Variants in DCLK1 observed in about 807,000 individuals in gnomAD.
DCLK1 encodes the protein serine/threonine-protein kinase DCLK1.
Under a neutral mutation model 86.2 loss-of-function variants are expected in DCLK1, and 16 were observed. The observed-to-expected ratio is 0.19, with a 90% CI of 0.13 to 0.28. The LOEUF is 0.28. DCLK1 is among the 10% of genes least tolerant of loss of function. The pLI, the probability that DCLK1 is intolerant of heterozygous loss-of-function variation, is 1.00. For missense variants in DCLK1, 590 were observed against 940.2 expected (o/e 0.63, Z 4.87); for synonymous variants, 369 against 370.5 (o/e 1.00, Z 0.05).
At chr13:35,910,029 T>A (rs1003825398) in intron 4 of DCLK1, among the ~76,000 whole-genome samples, 9 of 152,128 alleles carry the variant, frequency 5.9e-5, no homozygotes, top group Admixed American at 3.9e-4. Context: ...TCCTTTGTCT[T>A]CCCCCAGGTG....
At chr13:35,869,039 C>T (rs2153114237) in intron 5 of DCLK1, 2 of 473,888 alleles carry the variant, frequency 4.2e-6, no homozygotes, top group East Asian at 6.2e-5. Context: ...GATCCACCCC[C>T]ATCAACCTCC....
At chr13:36,100,665 G>A (rs938039771) in intron 3 of DCLK1, among the ~76,000 whole-genome samples, 4 of 152,226 alleles carry the variant, frequency 2.6e-5, no homozygotes, top group South Asian at 2.1e-4. Flanking sequence ...TAATGGGGTC[G>A]CTGGGCATTG....
intron 3 of DCLK1, among the ~76,000 whole-genome samples, chr13:36,017,378 C>T (rs1446940133): frequency 6.6e-6 from 1 of 152,132 alleles, no homozygotes; most frequent in African/African-American, 2.4e-5. Flanking sequence ...TAGAATGTAA[C>T]ACAACTGGGA....
chr13:35,911,530 C>T (rs1194716034), intron 4 of DCLK1, among the ~76,000 whole-genome samples: 1 of 152,172 alleles, frequency 6.6e-6, no homozygotes, highest in Non-Finnish European at 1.5e-5. Context: ...GGGGCCACAT[C>T]ACTCTGGTCT....
At chr13:35,776,392 C>T (rs1337524080) in intron 16 of DCLK1, among the ~76,000 whole-genome samples, 1 of 152,096 alleles carries the variant, frequency 6.6e-6, no homozygotes, top group African/African-American at 2.4e-5. Context: ...ACCTCTTGGC[C>T]ATAAAAAATC....
intron 15 of DCLK1, among the ~76,000 whole-genome samples, chr13:35,804,259 T>C (rs936712501): frequency 1.3e-5 from 2 of 150,656 alleles, no homozygotes; most frequent in Non-Finnish European, 3.0e-5. Flanking sequence ...GCCTCCCGAG[T>C]AGCTGGGATT....
At position 36,107,978 on chromosome 13, in the gene DCLK1, C is replaced by T. The variant is rs73165320; in HGVS notation, c.723+3891G>A. On this transcript the variant is annotated intron_variant, in intron 3 of 16. Transcript: ENST00000360631. ...TCTCAGACTCTAAGATCCTGCAGAT[C>T]CTCCCCTTGGACATGGGTTCAGGGG... 2.3e-3 allele frequency among the ~76,000 whole-genome samples: 345 copies of T among 152,122 alleles called. 2 individuals carry two copies. Among genetic ancestry groups the T allele is most frequent in the Non-Finnish European group, 4.4e-3 (296 of 67,996 alleles).
chr13:36,065,129 T>A (rs760909889), intron 3 of DCLK1, among the ~76,000 whole-genome samples: 5 of 152,210 alleles, frequency 3.3e-5, no homozygotes, highest in Non-Finnish European at 7.3e-5. Flanking sequence ...TGCCATCTAA[T>A]GTCTAGGATT....
intron 3 of DCLK1, among the ~76,000 whole-genome samples, chr13:36,007,051 G>C (rs1455393588): frequency 6.6e-6 from 1 of 152,140 alleles, no homozygotes; most frequent in Non-Finnish European, 1.5e-5. Context: ...TTACCACTTA[G>C]GGAAAGTAAA....
intron 4 of DCLK1, among the ~76,000 whole-genome samples, chr13:35,896,503 A>G (rs1873993856): frequency 7.8e-6 from 1 of 127,486 alleles, no homozygotes. Context: ...GCGCCATTGC[A>G]CCCCAGCCGG....
At chr13:36,074,154 C>A (rs145406039) in intron 3 of DCLK1, among the ~76,000 whole-genome samples, 1,792 of 152,172 alleles carry the variant, frequency 0.012, 41 homozygotes, top group African/African-American at 0.04. Flanking sequence ...CAATTCTTAG[C>A]TTCTTTCATT....
At chr13:35,856,656 A>G (rs928738148) in intron 5 of DCLK1, among the ~76,000 whole-genome samples, 2 of 152,234 alleles carry the variant, frequency 1.3e-5, no homozygotes, top group African/African-American at 4.8e-5. Flanking sequence ...ACAAAACAAT[A>G]AAAGCCTGTA....
At chr13:36,131,920 G>A (rs984351738), upstream of DCLK1, among the ~76,000 whole-genome samples, 6 of 152,186 alleles carry the variant, frequency 3.9e-5, no homozygotes, top group African/African-American at 1.4e-4. Context: ...CCCCCACATT[G>A]GGAAGAGCTG....
chr13:35,920,434 T>G (rs931628164), intron 4 of DCLK1, among the ~76,000 whole-genome samples: 1 of 152,102 alleles, frequency 6.6e-6, no homozygotes, highest in African/African-American at 2.4e-5. Flanking sequence ...GTGTTTCAAG[T>G]GTAAAATGAA....
At chr13:36,020,418 A>C (rs1881725366) in intron 3 of DCLK1, among the ~76,000 whole-genome samples, 1 of 152,186 alleles carries the variant, frequency 6.6e-6, no homozygotes. Flanking sequence ...TTTTCTTAGA[A>C]GTCTGGAAAT....
chr13:35,773,689 T>C lies in DCLK1; in HGVS notation c.*846A>G, dbSNP rs2086371760. On this transcript the variant is annotated 3_prime_UTR_variant, in exon 17 of 17. Transcript: ENST00000360631. ...TTTATTGCTCTTTTCCACCAGTTGTTTCTTTCCTGTAGATGTCTGACACTG... is the reference window on the plus strand; with the variant it reads ...TTTATTGCTCTTTTCCACCAGTTGTCTCTTTCCTGTAGATGTCTGACACTG... The C allele has an allele frequency of 6.6e-6, 1 of 152,454 alleles. No homozygotes were observed. Among genetic ancestry groups the C allele is most frequent in the Non-Finnish European group, 1.5e-5 (1 of 68,026 alleles). The allele number at this position is 152,454 out of a possible 1,614,324, so 9.4% of individuals were successfully genotyped here.
intron 4 of DCLK1, among the ~76,000 whole-genome samples, chr13:35,911,605 G>A (rs1442565620): frequency 2.0e-5 from 3 of 152,140 alleles, no homozygotes; most frequent in African/African-American, 7.2e-5. Context: ...GGACCTCTAG[G>A]ACTAGTATTG....
Position 35,848,301 on chromosome 13 carries a change from CTG to C in DCLK1, c.1035+6196_1035+6197del, listed in dbSNP as rs1456339485. The C allele has an allele frequency of 8.1e-6, 8 of 984,640 alleles. No individual in the cohort carries two copies. The South Asian group carries it at 1.9e-4, about 23-fold the overall frequency. The allele number at this position is 984,640 out of a possible 1,614,324, so 61.0% of individuals were successfully genotyped here. A position where few individuals can be genotyped will look rare whatever the true frequency, so the allele number is the denominator to read the frequency against. On this transcript the variant is annotated intron_variant, in intron 6 of 16. Transcript: ENST00000360631. ...TGTTCCACCAATGAACTGAAAACTT[CTG>C]TGTTTGTTGCTAAGAAATTTTTATT...
chr13:35,864,136 A>C (rs1871602319), intron 5 of DCLK1, among the ~76,000 whole-genome samples: 1 of 152,178 alleles, frequency 6.6e-6, no homozygotes, highest in Non-Finnish European at 1.5e-5. Context: ...CTACTCTATA[A>C]GCTTCTGAAG....
Sources: gnomAD v4.1 joint callset for allele counts (sites outside exome capture counted in the v4.1 genomes callset) on GRCh38, gnomAD v4.1.1 for gene constraint, MANE v1.5 for transcripts, NCBI Gene and HGNC (gene_info 2026-07-23, HGNC 2026-07-21) for gene names.